SS18L1: variants seen among roughly 807,000 people sequenced by gnomAD.
SS18L1 encodes calcium-responsive transactivator.
Under a neutral mutation model 70.3 loss-of-function variants are expected in SS18L1, and 32 were observed. The ratio of observed to expected loss-of-function variants is 0.46; its 90% CI spans 0.34 to 0.61. The LOEUF is 0.61. Ranked by LOEUF, SS18L1 falls within the 20% of genes least tolerant of loss-of-function variation. The probability of loss-of-function intolerance (pLI) is 0.01; values close to 1 mark genes in which losing one functional copy is unlikely to be tolerated. For synonymous variants in SS18L1, 237 were observed against 229.7 expected, an observed-to-expected ratio of 1.03 and a Z score of -0.29; for missense variants, 430 against 542.1, an observed-to-expected ratio of 0.79 and a Z score of 2.05.
chr20:62,171,402 C>T (rs2057529452), intron 8 of SS18L1, among the ~76,000 whole-genome samples: 1 of 152,154 alleles, frequency 6.6e-6, no homozygotes, highest in South Asian at 2.1e-4. Context: ...GTTGCTGGAA[C>T]CGGCCCTGGA....
In SS18L1 at chr20:62,158,711, G is replaced by C; in HGVS notation, c.109G>C (p.Glu37Gln). The C allele has an allele frequency of 1.9e-6, 3 of 1,612,914 alleles. No homozygotes were observed. Among genetic ancestry groups the C allele is most frequent in the Non-Finnish European group, 2.5e-6 (3 of 1,180,034 alleles). ...ENHHLIQCIL[E>Q]YQSKGKTAEC... ...CCACCACCTGATCCAGTGCATCCTG[G>C]AGTACCAGAGCAAGGGCAAGACGGC... is the stretch of plus-strand genomic sequence containing the variant. Residue 37 changes from glutamate to glutamine, a missense_variant, in exon 2 of 11, where the codon GAG (glutamate) becomes CAG (glutamine). Coordinates refer to ENST00000331758, the MANE Select transcript of SS18L1 (RefSeq NM_198935.3). This position sits in a 1 kb window ranked among gnomAD's most constrained non-coding sequence, Gnocchi z 4.5.
intron 1 of SS18L1, among the ~76,000 whole-genome samples, chr20:62,148,803 T>TCTCC (rs2057078061): frequency 6.6e-6 from 1 of 152,228 alleles, no homozygotes; most frequent in African/African-American, 2.4e-5. Context: ...CTGAAGCTGC[T>TCTCC]CTCCCAACTC....
chr20:62,164,122 CGCT>C lies in SS18L1; in HGVS notation c.722-21_722-19del, dbSNP rs2057383441. The C allele has an allele frequency of 6.5e-7, 1 of 1,544,892 alleles. No homozygotes were observed. On this transcript the variant is annotated intron_variant, in intron 6 of 10. Coordinates refer to ENST00000331758, the MANE Select transcript of SS18L1 (RefSeq NM_198935.3). ...GGGAGGAGGGCGCGGCCCGCACTGG[CGCT>C]GAATGTGGTTCCCCCGCAGGCTCTT...
At chr20:62,166,809 G>C (rs1162148913) in intron 8 of SS18L1, among the ~76,000 whole-genome samples, 1 of 151,142 alleles carries the variant, frequency 6.6e-6, no homozygotes, top group East Asian at 2.0e-4. Flanking sequence ...CCTGTAATCT[G>C]AGCTACTCAA....
intron 1 of SS18L1, among the ~76,000 whole-genome samples, chr20:62,152,991 A>AT (rs1402785838): frequency 1.3e-5 from 2 of 152,304 alleles, no homozygotes; most frequent in East Asian, 3.9e-4. Context: ...TTACACTGCT[A>AT]TGAAGAAATA....
rs6061447 is a variant in SS18L1, at chr20:62,171,124, G to A, written c.917-1558G>A. Among the ~76,000 whole-genome samples, 16 of 152,046 alleles carry A rather than the reference G, an allele frequency of 1.1e-4. No homozygotes were observed. In the East Asian group the frequency reaches 2.9e-3, roughly 27 times the overall value. ...TCACCATGTTAGCCAGGATGATCTC[G>A]ATCTCCTGACCTTGTGATCCACCCG... is the stretch of plus-strand genomic sequence containing the variant. On this transcript the variant is annotated intron_variant, in intron 8 of 10. Transcript: ENST00000331758.
rs546921208 is a variant in SS18L1 at position 62,159,525 on chromosome 20, G to T, written c.147-352G>T. On this transcript the variant is annotated intron_variant, in intron 2 of 10. Transcript: ENST00000331758. The surrounding 1 kb of genome is among the most constrained non-coding windows in gnomAD (Gnocchi z 4.4). ...CCTGGCTCAGCTGGACGAGGGCTCT[G>T]TCCCTCTGTCACCTTCGGGCCCCTG... is the stretch of plus-strand genomic sequence containing the variant. Among the ~76,000 whole-genome samples the T allele has an allele frequency of 5.9e-5, 9 of 152,146 alleles. No individual in the cohort carries two copies. The highest frequency in any genetic ancestry group is 1.3e-4 in the Non-Finnish European group (9 of 68,018).
chr20:62,171,669 A>G (rs1568762768), intron 8 of SS18L1, among the ~76,000 whole-genome samples: 2 of 152,244 alleles, frequency 1.3e-5, no homozygotes, highest in South Asian at 2.1e-4. Flanking sequence ...AAATACTTAA[A>G]TTTTACAGCT....
rs2057326414 is a variant in SS18L1, at chr20:62,161,373, G to A, written c.232-63G>A. ...CGGGTGCCCTCTCATCCCTGGCCTG[G>A]CTTGTGGAGGTCGCTCTCCGTAAAT... On this transcript the variant is annotated intron_variant, in intron 3 of 10. Transcript: ENST00000331758. The surrounding 1 kb of genome is among the most constrained non-coding windows in gnomAD (Gnocchi z 4.4). 1 of 1,611,446 alleles carries A rather than the reference G, an allele frequency of 6.2e-7. No individual in the cohort carries two copies. Among genetic ancestry groups the A allele is most frequent in the Non-Finnish European group, 8.5e-7 (1 of 1,179,454 alleles).
chr20:62,165,279 T>G (rs1387388463), intron 7 of SS18L1, 143 bp from the exon 8 acceptor site: 22 of 715,412 alleles, frequency 3.1e-5, no homozygotes. Context: ...GGTTGGGGCA[T>G]GGTTTTGGGG....
At position 62,161,099 on chromosome 20, in the gene SS18L1, C is replaced by T. The variant is rs987422003; in HGVS notation, c.232-337C>T. On this transcript the variant is annotated intron_variant, in intron 3 of 10. Transcript: ENST00000331758. This position sits in a 1 kb window ranked among gnomAD's most constrained non-coding sequence, Gnocchi z 4.4. ...CACAGAGGCGCTGGTCACCTGCGCC[C>T]GAGGGGGACGGGGTGCGTTCAGCCT... 4.0e-5 allele frequency among the ~76,000 whole-genome samples: 6 copies of T among 151,374 alleles called. No individual in the cohort carries two copies. The highest frequency in any genetic ancestry group is 2.6e-4 in the Admixed American group (4 of 15,180).
intron 1 of SS18L1, among the ~76,000 whole-genome samples, chr20:62,148,335 T>G (rs1044765236): frequency 6.0e-5 from 9 of 148,792 alleles, no homozygotes; most frequent in Non-Finnish European, 9.0e-5. Flanking sequence ...AGGCTTGGCC[T>G]CCTTGCTCTC....
chr20:62,154,799 T>TG (rs1415277273), intron 1 of SS18L1, among the ~76,000 whole-genome samples: 1 of 152,112 alleles, frequency 6.6e-6, no homozygotes, highest in Admixed American at 6.5e-5. Flanking sequence ...TTGAAGGATT[T>TG]GGGGGTGATT....
chr20:62,178,844 G>A (rs1050950726), intron 10 of SS18L1, among the ~76,000 whole-genome samples: 2 of 152,226 alleles, frequency 1.3e-5, no homozygotes, highest in African/African-American at 2.4e-5. Flanking sequence ...AGGCTCGGGG[G>A]CAGATGGTGT....
At position 62,179,372 on chromosome 20, in the gene SS18L1, C is replaced by T. The variant is rs1322143688; in HGVS notation, c.*164C>T. On this transcript the variant is annotated 3_prime_UTR_variant, in exon 11 of 11. Transcript: ENST00000331758. ...TTCATGCTGGGTATGACGCCGAGCG[C>T]ACACCACTGGCGTGAGACAGCGCTT... 5.4e-6 allele frequency: 4 copies of T among 736,810 alleles called. No homozygotes were observed. Among genetic ancestry groups the T allele is most frequent in the African/African-American group, 5.2e-5 (3 of 57,380 alleles). The allele number at this position is 736,810 out of a possible 1,614,324, so 45.6% of individuals were successfully genotyped here. A position where few individuals can be genotyped will look rare whatever the true frequency, so the allele number is the denominator to read the frequency against.
intron 1 of SS18L1, among the ~76,000 whole-genome samples, chr20:62,152,471 GTC>G (rs1036167838): frequency 1.3e-5 from 2 of 152,128 alleles, no homozygotes; most frequent in African/African-American, 4.8e-5. Flanking sequence ...TCCCGGTGGC[GTC>G]TCTGGCGCGG....
chr20:62,170,893 A>ATTT (rs1387653916), intron 8 of SS18L1, among the ~76,000 whole-genome samples: 6 of 144,234 alleles, frequency 4.2e-5, no homozygotes, highest in African/African-American at 1.5e-4. Context: ...TGGCTCCTTT[A>ATTT]TTTTTTTTTT....
At position 62,174,128 on chromosome 20, in the gene SS18L1, G is replaced by A. The variant is rs1181320371; in HGVS notation, c.1037-389G>A. Among the ~76,000 whole-genome samples the A allele has an allele frequency of 1.3e-5, 2 of 152,154 alleles. No homozygotes were observed. Among genetic ancestry groups the A allele is most frequent in the East Asian group, 1.9e-4 (1 of 5,198 alleles). On this transcript the variant is annotated intron_variant, in intron 9 of 10. Transcript: ENST00000331758. This position sits in a 1 kb window ranked among gnomAD's most constrained non-coding sequence, Gnocchi z 4.1. ...TGCCTGCAGGTTTTCAGCAGCTCCC[G>A]TGGTAGTTCAGTGACAAGTTACAGC...
chr20:62,143,796 A>C lies in SS18L1; in HGVS notation c.-25A>C. The C allele has an allele frequency of 7.5e-7, 1 of 1,331,660 alleles. No homozygotes were observed. The allele number at this position is 1,331,660 out of a possible 1,614,324, so 82.5% of individuals were successfully genotyped here. A position where few individuals can be genotyped will look rare whatever the true frequency, so the allele number is the denominator to read the frequency against. ...AGCCGGAGTATCCACCTCGATGACC[A>C]CGGGCTGAGCCCCGCGCCGCCACCA... On this transcript the variant is annotated 5_prime_UTR_variant, in exon 1 of 11. Coordinates refer to ENST00000331758, the MANE Select transcript of SS18L1 (RefSeq NM_198935.3).
Sources: gnomAD v4.1 joint callset for allele counts (sites outside exome capture counted in the v4.1 genomes callset) on GRCh38, gnomAD v4.1.1 for gene constraint, Gnocchi (gnomAD v3.1) non-coding constraint, MANE v1.5 for transcripts, NCBI Gene and HGNC (gene_info 2026-07-23, HGNC 2026-07-21) for gene names.